The following FAM168A variants were observed in gnomAD, a reference collection of about 807,000 sequenced individuals.
The protein encoded by FAM168A is family with sequence similarity 168 member A, also known as protein FAM168A.
A neutral mutation model predicts 28.5 loss-of-function variants in FAM168A; 3 were observed. The ratio of observed to expected loss-of-function variants is 0.11; its 90% CI spans 0.05 to 0.27. The LOEUF (loss-of-function observed/expected upper bound fraction) is 0.27. FAM168A is among the 10% of genes least tolerant of loss of function. FAM168A has a pLI of 1.00. For synonymous variants in FAM168A, 122 were observed against 124.2 expected, an observed-to-expected ratio of 0.98 and a Z score of 0.12; for missense variants, 222 against 311.5, an observed-to-expected ratio of 0.71 and a Z score of 2.16.
At chr11:73,454,848 C>G (rs566251797) in intron 2 of FAM168A, among the ~76,000 whole-genome samples, 2 of 152,322 alleles carry the variant, frequency 1.3e-5, no homozygotes, top group East Asian at 3.9e-4. Flanking sequence ...AGCCCCTCTT[C>G]CCACTGAGAG....
At chr11:73,494,196 GAC>G (rs1000572001) in intron 1 of FAM168A, among the ~76,000 whole-genome samples, 1 of 152,126 alleles carries the variant, frequency 6.6e-6, no homozygotes, top group African/African-American at 2.4e-5. Context: ...AGCTTGGTAG[GAC>G]CTCAAAGATC....
chr11:73,474,061 C>T (rs1456723076), intron 1 of FAM168A, among the ~76,000 whole-genome samples: 1 of 152,088 alleles, frequency 6.6e-6, no homozygotes, highest in Non-Finnish European at 1.5e-5. Context: ...CCACCCACCT[C>T]GACCTCCCAA....
rs1162075797 is a variant in FAM168A, at chr11:73,584,469, CT to C, written c.-19+13453del. 3.3e-3 allele frequency among the ~76,000 whole-genome samples: 417 copies of C among 128,262 alleles called. 1 individual carries two copies. Among genetic ancestry groups the C allele is most frequent in the African/African-American group, 9.6e-3 (312 of 32,502 alleles). The allele number at this position is 128,262 out of a possible 152,430, so 84.1% of individuals were successfully genotyped here. ...TGAGCCACCATGGCTGGCCCACTGA[CT>C]TTTTTTTTTTTTTTTTTTTTTGAGA... On this transcript the variant is annotated intron_variant, in intron 1 of 7. Coordinates refer to ENST00000356467, the MANE Select transcript of FAM168A (RefSeq NM_015159.3).
At chr11:73,594,885 T>A (rs1403478104) in intron 1 of FAM168A, among the ~76,000 whole-genome samples, 1 of 152,236 alleles carries the variant, frequency 6.6e-6, no homozygotes, top group African/African-American at 2.4e-5. Context: ...GTAGTAGAAC[T>A]GGGATTTGAA....
chr11:73,583,234 C>T (rs1944270993), intron 1 of FAM168A, among the ~76,000 whole-genome samples: 1 of 152,056 alleles, frequency 6.6e-6, no homozygotes, highest in Non-Finnish European at 1.5e-5. Flanking sequence ...ACCCAGGAGG[C>T]AGAGGATGCA....
At chr11:73,426,657 CTGTGTGTGTGTGTA>C (rs1030273032) in intron 3 of FAM168A, among the ~76,000 whole-genome samples, 2 of 149,972 alleles carry the variant, frequency 1.3e-5, no homozygotes, top group African/African-American at 4.9e-5. Context: ...CCAAAATATG[CTGTGTGTGTGTGTA>C]TGTGTGTGTG....
In FAM168A at chr11:73,433,367, CAA is replaced by C. The variant is rs35834079; in HGVS notation, c.71-2599_71-2598del. Among the ~76,000 whole-genome samples the C allele has an allele frequency of 4.9e-4, 71 of 143,460 alleles. No homozygotes were observed. In the East Asian group the frequency reaches 5.3e-3, roughly 11 times the overall value. 94.1% of individuals were successfully genotyped at this position (143,460 alleles called of 152,430 possible). A position where few individuals can be genotyped will look rare whatever the true frequency, so the allele number is the denominator to read the frequency against. On this transcript the variant is annotated intron_variant, in intron 2 of 7. Coordinates refer to ENST00000356467, the MANE Select transcript of FAM168A (RefSeq NM_015159.3). ...TACTTTCTTTATAAAGCCTTTGATG[CAA>C]AAAAAAAAAATCAATTTTAAGTCCA...
intron 1 of FAM168A, among the ~76,000 whole-genome samples, chr11:73,503,911 T>C (rs1185078937): frequency 2.0e-5 from 3 of 152,126 alleles, no homozygotes; most frequent in South Asian, 4.1e-4. Flanking sequence ...GGAAAGGATC[T>C]CCTATTCAGT....
At chr11:73,569,861 C>CAAAA (rs1293340335) in intron 1 of FAM168A, among the ~76,000 whole-genome samples, 3 of 109,980 alleles carry the variant, frequency 2.7e-5, no homozygotes, top group Non-Finnish European at 5.5e-5. Flanking sequence ...AATAAATAAA[C>CAAAA]AAAATAGATG....
chr11:73,427,825 C>A (rs925819765), intron 3 of FAM168A, among the ~76,000 whole-genome samples: 1 of 152,128 alleles, frequency 6.6e-6, no homozygotes, highest in African/African-American at 2.4e-5. Flanking sequence ...AGAAAATAGC[C>A]CAGTGCTGGG....
chr11:73,586,022 G>A (rs1944310178), intron 1 of FAM168A, among the ~76,000 whole-genome samples: 1 of 152,062 alleles, frequency 6.6e-6, no homozygotes, highest in African/African-American at 2.4e-5. Flanking sequence ...ATCCTGCTCT[G>A]TAAAAACTGG....
At chr11:73,487,094 A>AT (rs1340083951) in intron 1 of FAM168A, among the ~76,000 whole-genome samples, 1 of 151,994 alleles carries the variant, frequency 6.6e-6, no homozygotes, top group Non-Finnish European at 1.5e-5. Context: ...TGGGGATATT[A>AT]TTTTTTTGTT....
intron 2 of FAM168A, among the ~76,000 whole-genome samples, chr11:73,438,142 A>G (rs1361138513): frequency 6.6e-6 from 1 of 152,168 alleles, no homozygotes; most frequent in African/African-American, 2.4e-5. Context: ...CATCACCATC[A>G]TCATCATAGC....
chr11:73,438,245 C>A lies in FAM168A; in HGVS notation c.71-7475G>T, dbSNP rs145984585. ...AAATAATATAGTTATTTAAATTAAT[C>A]TCTAGCAGTAATATATGTAAGATAT... On this transcript the variant is annotated intron_variant, in intron 2 of 7. Transcript: ENST00000356467. 9.5e-3 allele frequency among the ~76,000 whole-genome samples: 1,446 copies of A among 152,276 alleles called. 19 individuals are homozygous for A. The highest frequency in any genetic ancestry group is 0.033 in the African/African-American group (1,375 of 41,544).
At chr11:73,459,435 G>A (rs1017394941) in intron 2 of FAM168A, among the ~76,000 whole-genome samples, 4 of 148,562 alleles carry the variant, frequency 2.7e-5, no homozygotes, top group East Asian at 2.1e-4. Flanking sequence ...GCAGTGAGCC[G>A]AGATTGCACC....
intron 1 of FAM168A, among the ~76,000 whole-genome samples, chr11:73,588,649 G>A (rs966742109): frequency 6.6e-5 from 10 of 152,132 alleles, no homozygotes; most frequent in Non-Finnish European, 4.4e-5. Flanking sequence ...AAAGTGAGTC[G>A]TGAATGCACC....
At chr11:73,544,917 A>ATATATAATATATTATATAT (rs1225634273) in intron 1 of FAM168A, among the ~76,000 whole-genome samples, 1 of 94,692 alleles carries the variant, frequency 1.1e-5, no homozygotes, top group Admixed American at 1.7e-4. Flanking sequence ...AATATATATT[A>ATATATAATATATTATATAT]TATATAATAT....
At chr11:73,424,892 G>C (rs942920355) in intron 3 of FAM168A, 10 of 691,060 alleles carry the variant, frequency 1.4e-5, no homozygotes, top group Non-Finnish European at 2.1e-5. Flanking sequence ...AGGAACTGCT[G>C]CTGAGCCACC....
chr11:73,534,212 T>C (rs1216364000), intron 1 of FAM168A, among the ~76,000 whole-genome samples: 7 of 151,982 alleles, frequency 4.6e-5, no homozygotes, highest in South Asian at 2.1e-4. Context: ...AGACGAGCAA[T>C]AGCCATAAAA....
Sources: allele counts gnomAD v4.1 joint callset (sites outside exome capture counted in the v4.1 genomes callset), GRCh38; gene constraint gnomAD v4.1.1; transcripts MANE v1.5; gene names NCBI Gene and HGNC (gene_info 2026-07-23, HGNC 2026-07-21).